The following FMNL2 variants were observed in gnomAD, a reference collection of about 807,000 sequenced individuals.
FMNL2 encodes formin-like protein 2.
Under a neutral mutation model 130.2 loss-of-function variants are expected in FMNL2, and 51 were observed. The ratio of observed to expected loss-of-function variants is 0.39; its 90% CI spans 0.31 to 0.49. FMNL2 has a LOEUF of 0.49. FMNL2 is among the 20% of genes least tolerant of loss of function. The pLI is 0.85. For missense variants in FMNL2, 977 were observed against 1,316.2 expected (o/e 0.74, Z 3.99); for synonymous variants, 465 against 467.1 (o/e 1.00, Z 0.06).
chr2:152,547,908 G>T (rs1305627105), intron 3 of FMNL2, among the ~76,000 whole-genome samples: 1 of 152,164 alleles, frequency 6.6e-6, no homozygotes, highest in Non-Finnish European at 1.5e-5. Context: ...CTTCAAAGTG[G>T]CCTGAGACTG....
intron 9 of FMNL2, among the ~76,000 whole-genome samples, chr2:152,601,822 A>G (rs893380941): frequency 4.6e-5 from 7 of 151,638 alleles, no homozygotes; most frequent in African/African-American, 1.7e-4. Flanking sequence ...GGCGCCCGCC[A>G]CCATGCCCAA....
chr2:152,418,604 T>C (rs1339668452), intron 1 of FMNL2, among the ~76,000 whole-genome samples: 4 of 152,242 alleles, frequency 2.6e-5, no homozygotes, highest in Non-Finnish European at 5.9e-5. Context: ...TTGGTAAGGT[T>C]CATTCTTGTT....
intron 3 of FMNL2, among the ~76,000 whole-genome samples, chr2:152,547,145 G>T (rs57223657): frequency 0.048 from 7,302 of 152,158 alleles, 216 homozygotes; most frequent in Middle Eastern, 0.17. Flanking sequence ...GTTTCTCCAT[G>T]TTGGCCAAGC....
At chr2:152,380,830 C>T (rs1684421116) in intron 1 of FMNL2, among the ~76,000 whole-genome samples, 1 of 152,064 alleles carries the variant, frequency 6.6e-6, no homozygotes, top group Admixed American at 6.6e-5. Flanking sequence ...GTCTGTAAGA[C>T]CGTTCTAGTT....
intron 1 of FMNL2, among the ~76,000 whole-genome samples, chr2:152,343,161 A>T (rs1681908085): frequency 6.6e-6 from 1 of 152,168 alleles, no homozygotes; most frequent in Non-Finnish European, 1.5e-5. Context: ...AAGCCCCTGT[A>T]ACCATTGCCA....
chr2:152,536,882 A>G (rs745666999), intron 2 of FMNL2, among the ~76,000 whole-genome samples: 2 of 152,246 alleles, frequency 1.3e-5, no homozygotes, highest in African/African-American at 2.4e-5. Context: ...GGAAATGCTT[A>G]TAACATGCTT....
intron 1 of FMNL2, among the ~76,000 whole-genome samples, chr2:152,505,325 A>T (rs1355415345): frequency 6.6e-6 from 1 of 152,210 alleles, no homozygotes; most frequent in Non-Finnish European, 1.5e-5. Context: ...ATGAAGAAAG[A>T]TATTAAAATT....
chr2:152,636,826 C>T (rs989283196), intron 22 of FMNL2, among the ~76,000 whole-genome samples: 18 of 152,182 alleles, frequency 1.2e-4, no homozygotes, highest in Non-Finnish European at 2.4e-4. Context: ...CTCCCCCTCC[C>T]CTTTCACTTC....
chr2:152,598,057 A>G lies in FMNL2; in HGVS notation c.877-9282A>G, dbSNP rs138449705. 5.9e-5 allele frequency among the ~76,000 whole-genome samples: 9 copies of G among 152,294 alleles called. No individual in the cohort carries two copies. In the East Asian group the frequency reaches 1.7e-3, roughly 29 times the overall value. ...TGCATTCATGGCACACCATGCACTG[A>G]TTAGATTTGTAGTGATTTAGGTGTG... On this transcript the variant is annotated intron_variant, in intron 9 of 25. Transcript: ENST00000288670.
At chr2:152,568,055 G>T (rs1695952491) in intron 6 of FMNL2, among the ~76,000 whole-genome samples, 1 of 152,136 alleles carries the variant, frequency 6.6e-6, no homozygotes, top group East Asian at 1.9e-4. Context: ...GTATTATGTA[G>T]TCTGGGTATT....
intron 1 of FMNL2, among the ~76,000 whole-genome samples, chr2:152,464,476 T>G (rs1689420026): frequency 6.6e-6 from 1 of 152,226 alleles, no homozygotes; most frequent in South Asian, 2.1e-4. Flanking sequence ...TGTACCCCCC[T>G]GATGGACTGA....
chr2:152,644,333 C>T (rs1349225577), intron 25 of FMNL2, among the ~76,000 whole-genome samples: 1 of 152,208 alleles, frequency 6.6e-6, no homozygotes, highest in Non-Finnish European at 1.5e-5. Flanking sequence ...AATCACCTGC[C>T]ATATGAAAGT....
At chr2:152,565,299 A>G (rs1695772890) in intron 6 of FMNL2, among the ~76,000 whole-genome samples, 1 of 152,244 alleles carries the variant, frequency 6.6e-6, no homozygotes, top group Admixed American at 6.5e-5. Flanking sequence ...ACTGGACTTT[A>G]GGCAATGTCC....
chr2:152,363,162 C>A (rs1204016745), intron 1 of FMNL2, among the ~76,000 whole-genome samples: 1 of 152,156 alleles, frequency 6.6e-6, no homozygotes, highest in Non-Finnish European at 1.5e-5. Context: ...GAATTGTGTG[C>A]ATTACATGGG....
At chr2:152,407,595 C>A (rs1401275953) in intron 1 of FMNL2, among the ~76,000 whole-genome samples, 3 of 152,200 alleles carry the variant, frequency 2.0e-5, no homozygotes, top group Non-Finnish European at 4.4e-5. Flanking sequence ...TGTTTCTTCT[C>A]TTTTCAGCAT....
At position 152,390,467 on chromosome 2, in the gene FMNL2, G is replaced by A. The variant is rs112987025; in HGVS notation, c.117+54747G>A. ...TGATTAACCCTGAGAATTCCAAGCT[G>A]TCAGACCTGGACAATGAGACTCGCA... On this transcript the variant is annotated intron_variant, in intron 1 of 25. Transcript: ENST00000288670. The A allele has an allele frequency of 1.6e-3, 2,276 of 1,460,960 alleles. 29 individuals are homozygous for A. In the African/African-American group the frequency reaches 0.028, roughly 18 times the overall value. The allele number at this position is 1,460,960 out of a possible 1,614,324, so 90.5% of individuals were successfully genotyped here.
chr2:152,451,286 C>G (rs1344277437), intron 1 of FMNL2, among the ~76,000 whole-genome samples: 1 of 152,032 alleles, frequency 6.6e-6, no homozygotes, highest in African/African-American at 2.4e-5. Context: ...GTAGCTGGGA[C>G]TACAGGTGTG....
At chr2:152,486,636 A>G (rs768863913) in intron 1 of FMNL2, among the ~76,000 whole-genome samples, 2 of 152,222 alleles carry the variant, frequency 1.3e-5, no homozygotes, top group African/African-American at 2.4e-5. Flanking sequence ...GTTAGTCCGT[A>G]ACAGTGCTTT....
intron 1 of FMNL2, among the ~76,000 whole-genome samples, chr2:152,484,441 A>T (rs1189204925): frequency 6.6e-6 from 1 of 151,806 alleles, no homozygotes; most frequent in Non-Finnish European, 1.5e-5. Context: ...TGAGTTTGAG[A>T]GCAGCCTGGC....
Sources: gnomAD v4.1 joint callset for allele counts (sites outside exome capture counted in the v4.1 genomes callset) on GRCh38, gnomAD v4.1.1 for gene constraint, MANE v1.5 for transcripts, NCBI Gene and HGNC (gene_info 2026-07-23, HGNC 2026-07-21) for gene names.